Variants in STEAP1B observed in about 807,000 individuals in gnomAD.
STEAP1B encodes the protein STEAP family member 1B.
STEAP1B carries 13 observed loss-of-function variants against 27.9 expected under a neutral mutation model. The ratio of observed to expected loss-of-function variants is 0.47; its 90% CI spans 0.30 to 0.74. STEAP1B has a LOEUF of 0.74. STEAP1B is among the 30% of genes least tolerant of loss of function. The pLI is 0.06. For synonymous variants in STEAP1B, 86 were observed against 107.1 expected (o/e 0.80, Z 1.22); for missense variants, 250 against 298.7 (o/e 0.84, Z 1.20).
At chr7:22,430,707 G>A (rs1389221643) in intron 4 of STEAP1B, among the ~76,000 whole-genome samples, 5 of 152,194 alleles carry the variant, frequency 3.3e-5, no homozygotes, top group South Asian at 2.1e-4. Flanking sequence ...CTCAAGGAAT[G>A]TGAAGAAAGC....
At chr7:22,456,972 A>ATATATATATTTTTTTTTTTTTTTTTTTTT in intron 4 of STEAP1B, among the ~76,000 whole-genome samples, 2 of 57,046 alleles carry the variant, frequency 3.5e-5, no homozygotes, top group African/African-American at 7.0e-5. Flanking sequence ...ATATATATAT[A>ATATATATATTTTTTTTTTTTTTTTTTTTT]TTTTTTTTTT....
intron 4 of STEAP1B, among the ~76,000 whole-genome samples, chr7:22,483,998 C>G (rs143565923): frequency 4.7e-4 from 71 of 152,284 alleles, no homozygotes; most frequent in African/African-American, 1.6e-3. Context: ...TCTGTGAAAG[C>G]TGAGAGAGGT....
chr7:22,427,900 A>G (rs1785129085), intron 4 of STEAP1B, among the ~76,000 whole-genome samples: 1 of 152,232 alleles, frequency 6.6e-6, no homozygotes, highest in African/African-American at 2.4e-5. Flanking sequence ...TTTGAAAGAA[A>G]GCCATGCATG....
At chr7:22,494,969 G>T (rs939685529) in intron 1 of STEAP1B, 83 bp from the exon 2 acceptor site, 1 of 680,352 alleles carries the variant, frequency 1.5e-6, no homozygotes, top group Non-Finnish European at 2.3e-6. Context: ...AAATTTACTT[G>T]CTTAAAGACT....
chr7:22,466,341 T>C (rs1173182749), intron 4 of STEAP1B, among the ~76,000 whole-genome samples: 1 of 151,962 alleles, frequency 6.6e-6, no homozygotes, highest in African/African-American at 2.4e-5. Context: ...GCATAGTACT[T>C]GATAGGTAGT....
intron 4 of STEAP1B, among the ~76,000 whole-genome samples, chr7:22,481,362 G>A (rs750151040): frequency 6.6e-6 from 1 of 152,164 alleles, no homozygotes; most frequent in African/African-American, 2.4e-5. Context: ...TAACCCCTGG[G>A]TGCCTGAGGA....
At chr7:22,468,421 C>T (rs1417711552) in intron 4 of STEAP1B, among the ~76,000 whole-genome samples, 2 of 152,076 alleles carry the variant, frequency 1.3e-5, no homozygotes, top group South Asian at 2.1e-4. Context: ...GCAGAGCCAC[C>T]GGAATTCTCA....
chr7:22,438,636 T>C (rs1208698221), intron 4 of STEAP1B: 3 of 1,552,002 alleles, frequency 1.9e-6, no homozygotes, highest in East Asian at 4.9e-5. Context: ...TGGAAGGTGG[T>C]GGGAAATGGA....
chr7:22,455,913 C>T (rs538631434), intron 4 of STEAP1B, among the ~76,000 whole-genome samples: 25 of 152,250 alleles, frequency 1.6e-4, no homozygotes, highest in Middle Eastern at 3.4e-3. Flanking sequence ...TTTGGGAGGC[C>T]GAGGAGGGCA....
chr7:22,475,610 TC>T (rs1451905025), intron 4 of STEAP1B, among the ~76,000 whole-genome samples: 1 of 152,078 alleles, frequency 6.6e-6, no homozygotes, highest in Non-Finnish European at 1.5e-5. Flanking sequence ...CTTTAAGCCA[TC>T]CCCCAGCCTG....
chr7:22,423,146 T>C (rs994485923), intron 4 of STEAP1B, among the ~76,000 whole-genome samples: 1 of 152,210 alleles, frequency 6.6e-6, no homozygotes, highest in Admixed American at 6.5e-5. Context: ...GGCAAGGATA[T>C]AGAGAAACTG....
intron 4 of STEAP1B, among the ~76,000 whole-genome samples, chr7:22,461,914 G>A (rs551491204): frequency 6.6e-6 from 1 of 152,216 alleles, no homozygotes; most frequent in African/African-American, 2.4e-5. Flanking sequence ...CCACGTGACT[G>A]TTAGGATTAA....
At chr7:22,426,340 C>CA (rs533813457) in intron 4 of STEAP1B, among the ~76,000 whole-genome samples, 37 of 150,350 alleles carry the variant, frequency 2.5e-4, no homozygotes, top group South Asian at 1.0e-3. Flanking sequence ...CCTCAAAGGA[C>CA]AAAAAAAAAT....
chr7:22,453,961 G>A (rs1375451431), intron 4 of STEAP1B, among the ~76,000 whole-genome samples: 1 of 152,196 alleles, frequency 6.6e-6, no homozygotes, highest in African/African-American at 2.4e-5. Context: ...CATTTGGGTA[G>A]TTTCTAGTTT....
intron 4 of STEAP1B, among the ~76,000 whole-genome samples, chr7:22,482,444 T>C (rs1786096388): frequency 6.6e-6 from 1 of 152,218 alleles, no homozygotes; most frequent in Non-Finnish European, 1.5e-5. Flanking sequence ...GATTTAGTTA[T>C]GTTGGTTTGC....
chr7:22,457,228 A>G (rs1230334230), intron 4 of STEAP1B, among the ~76,000 whole-genome samples: 3 of 151,784 alleles, frequency 2.0e-5, no homozygotes, highest in South Asian at 4.2e-4. Context: ...ATTGTCTTTC[A>G]CTGTAAACAG....
At chr7:22,454,365 G>A (rs557653851) in intron 4 of STEAP1B, among the ~76,000 whole-genome samples, 1 of 152,170 alleles carries the variant, frequency 6.6e-6, no homozygotes, top group East Asian at 1.9e-4. Flanking sequence ...TAATAGAGAA[G>A]TCACTATAGT....
intron 4 of STEAP1B, among the ~76,000 whole-genome samples, chr7:22,467,026 T>G (rs985906907): frequency 6.6e-6 from 1 of 152,166 alleles, no homozygotes; most frequent in Non-Finnish European, 1.5e-5. Context: ...AAGGACAAAT[T>G]TGCTGTTTTT....
At chr7:22,436,873 A>G (rs534816563) in intron 4 of STEAP1B, among the ~76,000 whole-genome samples, 56 of 152,320 alleles carry the variant, frequency 3.7e-4, no homozygotes, top group South Asian at 4.1e-4. Flanking sequence ...ATGTGTCTTT[A>G]TAATAGAACG....
Sources: allele counts gnomAD v4.1 joint callset (sites outside exome capture counted in the v4.1 genomes callset), GRCh38; gene constraint gnomAD v4.1.1; transcripts MANE v1.5; gene names NCBI Gene and HGNC (gene_info 2026-07-23, HGNC 2026-07-21).